Variants in JAZF1 observed in about 807,000 individuals in gnomAD.
JAZF1 encodes JAZF zinc finger 1.
Under a neutral mutation model 26.4 loss-of-function variants are expected in JAZF1, and 8 were observed. The ratio of observed to expected loss-of-function variants is 0.30; its 90% CI spans 0.18 to 0.55. JAZF1 has a LOEUF of 0.55. Among genes scored for constraint, JAZF1 ranks in the 20% least tolerant of loss-of-function variants. The pLI is 0.94. For synonymous variants in JAZF1, 126 were observed against 122.3 expected (o/e 1.03, Z -0.20); for missense variants, 199 against 322.0 (o/e 0.62, Z 2.92).
At chr7:27,903,185 GC>G (rs1162771750) in intron 2 of JAZF1, among the ~76,000 whole-genome samples, 2 of 152,080 alleles carry the variant, frequency 1.3e-5, no homozygotes, top group African/African-American at 4.8e-5. Flanking sequence ...AAAGCAAAGA[GC>G]CACCTTTACT....
chr7:27,868,544 C>A (rs963824008), intron 3 of JAZF1, among the ~76,000 whole-genome samples: 2 of 152,176 alleles, frequency 1.3e-5, no homozygotes, highest in East Asian at 3.9e-4. Flanking sequence ...CCTGCCCCAG[C>A]CTATCTAGGT....
intron 2 of JAZF1, among the ~76,000 whole-genome samples, chr7:27,920,843 G>C (rs569753690): frequency 2.6e-5 from 4 of 152,214 alleles, no homozygotes; most frequent in Non-Finnish European, 4.4e-5. Context: ...GTGGAAAAAA[G>C]CATAAACGAC....
At chr7:27,930,499 C>A (rs1396889450) in intron 2 of JAZF1, among the ~76,000 whole-genome samples, 1 of 152,176 alleles carries the variant, frequency 6.6e-6, no homozygotes, top group African/African-American at 2.4e-5. Flanking sequence ...CCAAGAAGAA[C>A]ACATTTCAAG....
chr7:27,934,749 T>A (rs192482390), intron 2 of JAZF1, among the ~76,000 whole-genome samples: 2 of 152,168 alleles, frequency 1.3e-5, no homozygotes, highest in East Asian at 3.9e-4. Flanking sequence ...TATATAAAAC[T>A]CTTAGAAGAA....
rs1283973779 is a variant in JAZF1 at position 27,934,022 on chromosome 7, C to T, written c.189-38606G>A. Among the ~76,000 whole-genome samples the T allele has an allele frequency of 2.0e-5, 3 of 152,206 alleles. No homozygotes were observed. The East Asian group carries it at 5.8e-4, about 29-fold the overall frequency. On this transcript the variant is annotated intron_variant, in intron 2 of 4. Coordinates refer to ENST00000283928, the MANE Select transcript of JAZF1 (RefSeq NM_175061.4). ...GCACTTCCATTTAGGAAGTCAACCA[C>T]TTGAAAGTTTTACTTTTTCATTAGC...
chr7:27,834,885 AG>A (rs1438079420), intron 4 of JAZF1, among the ~76,000 whole-genome samples: 1 of 152,224 alleles, frequency 6.6e-6, no homozygotes, highest in Non-Finnish European at 1.5e-5. Context: ...TGTGTGTGTG[AG>A]AGAGACAGAA....
intron 3 of JAZF1, among the ~76,000 whole-genome samples, chr7:27,880,499 G>A (rs1251468136): frequency 6.6e-6 from 1 of 151,986 alleles, no homozygotes; most frequent in Non-Finnish European, 1.5e-5. Context: ...CAGGCGCGGT[G>A]GCGGGTGCCT....
chr7:28,088,673 T>C (rs1435069454), intron 1 of JAZF1, among the ~76,000 whole-genome samples: 1 of 152,204 alleles, frequency 6.6e-6, no homozygotes, highest in Non-Finnish European at 1.5e-5. Context: ...GGGGCCTGTC[T>C]CCATTCCCAA....
Position 27,962,759 on chromosome 7 carries a change from C to CAAGAAAAGCA in JAZF1, c.188+29149_188+29150insTGCTTTTCTT, listed in dbSNP as rs1785206573. ...GTATTTAGTCCTGGAATTAAAATCA[C>CAAGAAAAGCA]GTCTAATCAGCAAGAAAAGCAGTTG... is the stretch of plus-strand genomic sequence containing the variant. On this transcript the variant is annotated intron_variant, in intron 2 of 4. Transcript: ENST00000283928. 3.9e-5 allele frequency among the ~76,000 whole-genome samples: 6 copies of CAAGAAAAGCA among 152,248 alleles called. No individual in the cohort carries two copies. The South Asian group carries it at 1.2e-3, about 32-fold the overall frequency.
intron 3 of JAZF1, among the ~76,000 whole-genome samples, chr7:27,847,567 C>T (rs1251163950): frequency 2.0e-5 from 3 of 152,136 alleles, no homozygotes; most frequent in African/African-American, 7.2e-5. Flanking sequence ...CCCTCTGTGC[C>T]CTCGTCAAAA....
intron 1 of JAZF1, among the ~76,000 whole-genome samples, chr7:28,068,153 G>C (rs1476631092): frequency 6.6e-6 from 1 of 151,204 alleles, no homozygotes; most frequent in African/African-American, 2.4e-5. Context: ...GACATCAGAT[G>C]ATCTGCCCAC....
rs12674024 is a variant in JAZF1, at chr7:28,033,022, A to G, written c.116-41041T>C. On this transcript the variant is annotated intron_variant, in intron 1 of 4. Coordinates refer to ENST00000283928, the MANE Select transcript of JAZF1 (RefSeq NM_175061.4). ...CTTGACCCCTTCATCTTTACTCTCT[A>G]AAGATATTACTACAGCACCTTGCAA... 1.3e-3 allele frequency among the ~76,000 whole-genome samples: 196 copies of G among 152,224 alleles called. 3 individuals are homozygous for G. The East Asian group carries it at 0.018, about 14-fold the overall frequency.
At chr7:27,931,861 C>T (rs1043211995) in intron 2 of JAZF1, among the ~76,000 whole-genome samples, 3 of 151,776 alleles carry the variant, frequency 2.0e-5, no homozygotes, top group African/African-American at 7.3e-5. Context: ...TGCAGTGAGC[C>T]AAGATCGCAC....
intron 1 of JAZF1, chr7:28,117,989 C>G (rs1427690091): frequency 4.0e-5 from 6 of 151,862 alleles, no homozygotes; most frequent in African/African-American, 1.5e-4. Context: ...AACACCAGTA[C>G]GTGCGGTATT....
intron 2 of JAZF1, among the ~76,000 whole-genome samples, chr7:27,991,284 A>G (rs1785897373): frequency 6.6e-6 from 1 of 152,140 alleles, no homozygotes; most frequent in African/African-American, 2.4e-5. Context: ...TCTTAACCTA[A>G]GTTGATTTCA....
intron 3 of JAZF1, among the ~76,000 whole-genome samples, chr7:27,891,680 T>C (rs1583450517): frequency 6.6e-6 from 1 of 151,846 alleles, no homozygotes; most frequent in Non-Finnish European, 1.5e-5. Flanking sequence ...AGTCAAAAAA[T>C]TAAGTGGGCA....
rs79363514 is a variant in JAZF1, at chr7:28,064,501, T to C, written c.116-72520A>G. On this transcript the variant is annotated intron_variant, in intron 1 of 4. Coordinates refer to ENST00000283928, the MANE Select transcript of JAZF1 (RefSeq NM_175061.4). ...GTTTTTAAATTGAAAAACTAAGCAA[T>C]GCATTCTGAAATGTAGCTACAAAAA... Among the ~76,000 whole-genome samples, 1,299 of 152,276 alleles carry C rather than the reference T, an allele frequency of 8.5e-3. 15 individuals carry two copies. Among genetic ancestry groups the C allele is most frequent in the African/African-American group, 0.03 (1,243 of 41,568 alleles).
chr7:28,106,994 T>A (rs1384700966), intron 1 of JAZF1, among the ~76,000 whole-genome samples: 1 of 152,172 alleles, frequency 6.6e-6, no homozygotes, highest in East Asian at 1.9e-4. Flanking sequence ...TCAGGAAAAT[T>A]ATGTAAATTA....
intron 1 of JAZF1, among the ~76,000 whole-genome samples, chr7:28,001,108 C>T (rs1786148773): frequency 6.6e-6 from 1 of 151,846 alleles, no homozygotes; most frequent in African/African-American, 2.4e-5. Flanking sequence ...AATCCTAGCA[C>T]TTTGGGAGGC....
Sources: allele counts gnomAD v4.1 joint callset (sites outside exome capture counted in the v4.1 genomes callset), GRCh38; gene constraint gnomAD v4.1.1; transcripts MANE v1.5; gene names NCBI Gene and HGNC (gene_info 2026-07-23, HGNC 2026-07-21).